TSPAN12: variants seen among roughly 807,000 people sequenced by gnomAD.
TSPAN12 encodes tetraspanin-12.
TSPAN12 carries 19 observed loss-of-function variants against 39.2 expected under a neutral mutation model. The ratio of observed to expected loss-of-function variants is 0.49; its 90% CI spans 0.34 to 0.71. The LOEUF (loss-of-function observed/expected upper bound fraction) is 0.71, where lower values mean the gene tolerates loss of function less well. Ranked by LOEUF, TSPAN12 falls within the 30% of genes least tolerant of loss-of-function variation. TSPAN12 has a pLI of 0.01. For synonymous variants in TSPAN12, 119 were observed against 124.8 expected (o/e 0.95, Z 0.31); for missense variants, 314 against 359.9 (o/e 0.87, Z 1.03).
chr7:120,790,461 CTCT>C (rs1793500509), intron 7 of TSPAN12, among the ~76,000 whole-genome samples: 1 of 152,180 alleles, frequency 6.6e-6, no homozygotes, highest in Non-Finnish European at 1.5e-5. Flanking sequence ...TAGGTACAAT[CTCT>C]TGTCTGATGT....
At chr7:120,849,710 A>G (rs1794735666) in intron 2 of TSPAN12, among the ~76,000 whole-genome samples, 1 of 152,204 alleles carries the variant, frequency 6.6e-6, no homozygotes, top group South Asian at 2.1e-4. Flanking sequence ...GAAAATGGGA[A>G]AATTGGACCA....
rs773755667 is a variant in TSPAN12, at chr7:120,787,699, C to A, written c.*893G>T. 6.6e-6 allele frequency: 1 copy of A among 152,114 alleles called. No individual in the cohort carries two copies. Among genetic ancestry groups the A allele is most frequent in the Non-Finnish European group, 1.5e-5 (1 of 67,982 alleles). The allele number at this position is 152,114 out of a possible 1,614,324, so 9.4% of individuals were successfully genotyped here. The stretch of plus-strand genomic sequence containing the variant: ...TTGGGAGAAAAACAGCATACAAGTC[C>A]TTTCTGAATCAACTAAGTTATGTGC... On this transcript the variant is annotated 3_prime_UTR_variant, in exon 8 of 8. Coordinates refer to ENST00000222747, the MANE Select transcript of TSPAN12 (RefSeq NM_012338.4).
At chr7:120,817,364 C>T (rs546427767) in intron 4 of TSPAN12, among the ~76,000 whole-genome samples, 64 of 151,350 alleles carry the variant, frequency 4.2e-4, no homozygotes, top group African/African-American at 1.4e-3. Flanking sequence ...ACTTCAGCCT[C>T]GGGGACAGAG....
intron 7 of TSPAN12, among the ~76,000 whole-genome samples, chr7:120,792,465 G>A (rs759599314): frequency 3.3e-5 from 5 of 152,102 alleles, no homozygotes; most frequent in Non-Finnish European, 7.4e-5. Context: ...TGACATATTC[G>A]TGGAGATCTC....
chr7:120,841,310 T>C (rs1407259938), intron 2 of TSPAN12, among the ~76,000 whole-genome samples: 1 of 151,928 alleles, frequency 6.6e-6, no homozygotes, highest in Admixed American at 6.6e-5. Context: ...ATACATGAAA[T>C]AGATTTAAAC....
intron 7 of TSPAN12, among the ~76,000 whole-genome samples, chr7:120,805,657 G>A (rs989551859): frequency 6.6e-6 from 1 of 152,094 alleles, no homozygotes; most frequent in South Asian, 2.1e-4. Context: ...TCTAGATAAA[G>A]ACTGCCTAAC....
At chr7:120,830,303 A>G (rs1794366917) in intron 4 of TSPAN12, among the ~76,000 whole-genome samples, 3 of 152,144 alleles carry the variant, frequency 2.0e-5, no homozygotes. Flanking sequence ...AAAAAATCCT[A>G]AAATTCCTAT....
chr7:120,822,835 A>C (rs1228793608), intron 4 of TSPAN12, among the ~76,000 whole-genome samples: 3 of 152,166 alleles, frequency 2.0e-5, no homozygotes, highest in Non-Finnish European at 2.9e-5. Context: ...CAGGTATAGT[A>C]GATGACAAAG....
At chr7:120,804,780 G>A (rs924295144) in intron 7 of TSPAN12, among the ~76,000 whole-genome samples, 2 of 152,068 alleles carry the variant, frequency 1.3e-5, no homozygotes, top group African/African-American at 4.8e-5. Flanking sequence ...AGGACAGTGG[G>A]CCCCTTGTCC....
At chr7:120,827,482 A>T (rs1794311859) in intron 4 of TSPAN12, among the ~76,000 whole-genome samples, 1 of 152,214 alleles carries the variant, frequency 6.6e-6, no homozygotes, top group Non-Finnish European at 1.5e-5. Context: ...AGTCATGCTC[A>T]ATGTTCAGAG....
At chr7:120,851,713 G>T (rs1794772670) in intron 2 of TSPAN12, among the ~76,000 whole-genome samples, 1 of 152,092 alleles carries the variant, frequency 6.6e-6, no homozygotes, top group Non-Finnish European at 1.5e-5. Flanking sequence ...TTGAAGGAAA[G>T]GTAACCCACG....
chr7:120,835,319 G>C (rs1241235844), intron 4 of TSPAN12, among the ~76,000 whole-genome samples: 2 of 152,072 alleles, frequency 1.3e-5, no homozygotes, highest in East Asian at 3.8e-4. Flanking sequence ...AATGACTTGT[G>C]GCATATTACT....
intron 7 of TSPAN12, among the ~76,000 whole-genome samples, chr7:120,805,031 T>A (rs1793843676): frequency 6.6e-6 from 1 of 152,066 alleles, no homozygotes; most frequent in Non-Finnish European, 1.5e-5. Flanking sequence ...ACTGTGACAA[T>A]AAATTTACGT....
At chr7:120,839,436 T>C (rs1177977449) in intron 3 of TSPAN12, among the ~76,000 whole-genome samples, 1 of 152,170 alleles carries the variant, frequency 6.6e-6, no homozygotes. Context: ...CGATGAAAAA[T>C]TCATTAACCG....
chr7:120,822,915 T>C (rs919756915), intron 4 of TSPAN12, among the ~76,000 whole-genome samples: 4 of 152,088 alleles, frequency 2.6e-5, no homozygotes, highest in African/African-American at 9.7e-5. Context: ...AAGACTCAAA[T>C]CAAACCAAAT....
At chr7:120,843,102 A>G (rs1287406659) in intron 2 of TSPAN12, among the ~76,000 whole-genome samples, 5 of 152,138 alleles carry the variant, frequency 3.3e-5, no homozygotes, top group Admixed American at 3.3e-4. Context: ...TCAATGGCCT[A>G]TAAGTTAGGT....
chr7:120,847,239 A>C lies in TSPAN12; in HGVS notation c.67-7130T>G, dbSNP rs550876647. On this transcript the variant is annotated intron_variant, in intron 2 of 7. Transcript: ENST00000222747. ...TCATAGAAGAGCTATATGACAAAAA[A>C]AAAAAAAACAAAAAACCAGAGTGAG... is the stretch of plus-strand genomic sequence containing the variant. Among the ~76,000 whole-genome samples, 5 of 151,120 alleles carry C rather than the reference A, an allele frequency of 3.3e-5. No homozygotes were observed. The South Asian group carries it at 8.3e-4, about 25-fold the overall frequency.
chr7:120,828,088 G>T (rs1185540857), intron 4 of TSPAN12, among the ~76,000 whole-genome samples: 1 of 152,086 alleles, frequency 6.6e-6, no homozygotes, highest in African/African-American at 2.4e-5. Flanking sequence ...TTCCCCACAT[G>T]AGTACCTTTA....
intron 4 of TSPAN12, among the ~76,000 whole-genome samples, chr7:120,836,913 T>C (rs1322252095): frequency 1.3e-5 from 2 of 152,198 alleles, no homozygotes; most frequent in South Asian, 2.1e-4. Context: ...TCCAAAGCCT[T>C]TGTGGTTCCA....
Sources: allele counts gnomAD v4.1 joint callset (sites outside exome capture counted in the v4.1 genomes callset), GRCh38; gene constraint gnomAD v4.1.1; transcripts MANE v1.5; gene names NCBI Gene and HGNC (gene_info 2026-07-23, HGNC 2026-07-21).